CNTN3: variants seen among roughly 807,000 people sequenced by gnomAD.
CNTN3 encodes the protein contactin-3.
CNTN3 carries 60 observed loss-of-function variants against 119.1 expected under a neutral mutation model. The ratio of observed to expected loss-of-function variants is 0.50; its 90% CI spans 0.41 to 0.62. The LOEUF is 0.62. Ranked by LOEUF, CNTN3 falls within the 20% of genes least tolerant of loss-of-function variation. The probability of loss-of-function intolerance (pLI) is 0.00; values close to 1 mark genes in which losing one functional copy is unlikely to be tolerated. For missense variants in CNTN3, 1,101 were observed against 1,242.4 expected (o/e 0.89, Z 1.71); for synonymous variants, 450 against 438.7 (o/e 1.03, Z -0.32).
intron 21 of CNTN3, 71 bp from the exon 22 acceptor site, chr3:74,266,720 T>G: frequency 7.1e-7 from 1 of 1,410,978 alleles, no homozygotes; most frequent in Non-Finnish European, 9.9e-7. Context: ...AATTTGTCTC[T>G]CTGAAATTAA....
intron 20 of CNTN3, among the ~76,000 whole-genome samples, chr3:74,272,349 A>G (rs1701794364): frequency 6.6e-6 from 1 of 152,206 alleles, no homozygotes; most frequent in African/African-American, 2.4e-5. Flanking sequence ...AAAAAGTGCC[A>G]AAACTCTTAC....
rs762995567 is a variant in CNTN3, at chr3:74,301,666, A to C, written c.1926T>G (p.Gly642=). ...CTTTACCTGTTGTGACGGTTTGCCA[A>C]CCCACGGAGAAAGGTGTCCGAGCCT... ...SIQARTPFSV[G]WQTVTTVPEV... Residue 642 remains glycine (G), a synonymous_variant, in exon 15 of 23, where the codon GGT becomes GGG. Coordinates refer to ENST00000263665, the MANE Select transcript of CNTN3 (RefSeq NM_020872.3). 3.7e-6 allele frequency: 6 copies of C among 1,614,022 alleles called. No homozygotes were observed. The highest frequency in any genetic ancestry group is 5.1e-6 in the Non-Finnish European group (6 of 1,179,944).
At chr3:74,384,991 C>T (rs1299390793) in intron 5 of CNTN3, among the ~76,000 whole-genome samples, 1 of 152,158 alleles carries the variant, frequency 6.6e-6, no homozygotes, top group African/African-American at 2.4e-5. Context: ...TTTCTAGGTT[C>T]TGATTTGAAT....
At chr3:74,402,482 C>T (rs35038105) in intron 5 of CNTN3, among the ~76,000 whole-genome samples, 57,305 of 151,978 alleles carry the variant, frequency 0.38, 11,487 homozygotes, top group East Asian at 0.64. Context: ...ATCTTTATAA[C>T]AGAAACCTCC....
At chr3:74,594,926 G>A (rs1704772836) in intron 1 of CNTN3, among the ~76,000 whole-genome samples, 1 of 152,066 alleles carries the variant, frequency 6.6e-6, no homozygotes, top group African/African-American at 2.4e-5. Flanking sequence ...GTGTCAAAGT[G>A]TTCCTATTTC....
intron 1 of CNTN3, among the ~76,000 whole-genome samples, chr3:74,539,157 C>G (rs949466023): frequency 6.6e-6 from 1 of 152,124 alleles, no homozygotes; most frequent in Non-Finnish European, 1.5e-5. Context: ...AAACACATAT[C>G]TAGCACAGGA....
chr3:74,464,266 C>G (rs1240928153), intron 4 of CNTN3, among the ~76,000 whole-genome samples: 1 of 152,060 alleles, frequency 6.6e-6, no homozygotes, highest in African/African-American at 2.4e-5. Context: ...CTCAAAAATA[C>G]ATATGCAAAA....
At position 74,371,251 on chromosome 3, in the gene CNTN3, C is replaced by G; in HGVS notation, c.603G>C (p.Met201Ile). The stretch of plus-strand genomic sequence containing the variant: ...AGCCCAGCACTCGGGCATTTGTCAC[C>G]ATACTTGTCACCACACATGTGTAAT... ...VGNYTCVVTS[M>I]VTNARVLGSP... The change falls in exon 6 of 23, where the codon ATG (methionine) becomes ATC (isoleucine). Residue 201 changes from methionine to isoleucine, a missense_variant. Coordinates refer to ENST00000263665, the MANE Select transcript of CNTN3 (RefSeq NM_020872.3). 6.2e-7 allele frequency: 1 copy of G among 1,613,502 alleles called. No homozygotes were observed. The highest frequency in any genetic ancestry group is 8.5e-7 in the Non-Finnish European group (1 of 1,179,690).
At chr3:74,446,436 CTT>C (rs1702049719) in intron 4 of CNTN3, among the ~76,000 whole-genome samples, 1 of 152,016 alleles carries the variant, frequency 6.6e-6, no homozygotes, top group Non-Finnish European at 1.5e-5. Flanking sequence ...AGGAGAAACT[CTT>C]TTACTAAATG....
At chr3:74,418,939 C>A (rs1185723162) in intron 5 of CNTN3, among the ~76,000 whole-genome samples, 2 of 151,248 alleles carry the variant, frequency 1.3e-5, no homozygotes, top group South Asian at 2.1e-4. Flanking sequence ...TAGGTGCACG[C>A]ACCACCATGC....
At chr3:74,431,249 G>A (rs955197170) in intron 4 of CNTN3, among the ~76,000 whole-genome samples, 4 of 152,076 alleles carry the variant, frequency 2.6e-5, no homozygotes, top group Admixed American at 2.0e-4. Flanking sequence ...AAAAGAAACT[G>A]GGGTCACTCT....
intron 2 of CNTN3, among the ~76,000 whole-genome samples, chr3:74,504,174 T>G (rs888751341): frequency 6.6e-6 from 1 of 152,162 alleles, no homozygotes; most frequent in Non-Finnish European, 1.5e-5. Context: ...GCACATACTG[T>G]TTTTCCTTAC....
Position 74,396,922 on chromosome 3 carries a change from G to A in CNTN3, c.455-25523C>T, listed in dbSNP as rs73110951. On this transcript the variant is annotated intron_variant, in intron 5 of 22. Coordinates refer to ENST00000263665, the MANE Select transcript of CNTN3 (RefSeq NM_020872.3). Reference sequence around the variant, plus strand: ...CAGCACATTTTCCAGGACAGCCAGCGAAGATCATTGATGAAGATGGCTACA... The same window carrying A: ...CAGCACATTTTCCAGGACAGCCAGCAAAGATCATTGATGAAGATGGCTACA... 2.4e-3 allele frequency among the ~76,000 whole-genome samples: 361 copies of A among 152,228 alleles called. 4 individuals are homozygous for A. The highest frequency in any genetic ancestry group is 4.7e-3 in the Non-Finnish European group (319 of 68,022).
At chr3:74,429,136 C>A (rs958838173) in intron 4 of CNTN3, among the ~76,000 whole-genome samples, 10 of 151,410 alleles carry the variant, frequency 6.6e-5, no homozygotes, top group African/African-American at 9.7e-5. Flanking sequence ...TAATTCTGAT[C>A]GAAATATCAG....
chr3:74,289,035 G>A (rs113031584), intron 19 of CNTN3, among the ~76,000 whole-genome samples: 312 of 152,302 alleles, frequency 2.0e-3, no homozygotes, highest in African/African-American at 7.4e-3. Context: ...ATGAGAGAAA[G>A]GAAGGAGCTA....
chr3:74,457,868 G>T (rs1014050757), intron 4 of CNTN3, among the ~76,000 whole-genome samples: 8 of 151,940 alleles, frequency 5.3e-5, no homozygotes, highest in Admixed American at 4.6e-4. Flanking sequence ...CAGAACAAGA[G>T]TTCTACATGC....
At chr3:74,328,266 C>T (rs1017060044) in intron 13 of CNTN3, among the ~76,000 whole-genome samples, 3 of 152,070 alleles carry the variant, frequency 2.0e-5, no homozygotes, top group Admixed American at 6.5e-5. Flanking sequence ...TGTTCTTGAC[C>T]TGATAAGTTT....
At chr3:74,509,088 G>T (rs1027918346) in intron 2 of CNTN3, among the ~76,000 whole-genome samples, 1 of 152,040 alleles carries the variant, frequency 6.6e-6, no homozygotes, top group African/African-American at 2.4e-5. Flanking sequence ...ATTTTATTTT[G>T]TTTTCAGAAG....
intron 1 of CNTN3, among the ~76,000 whole-genome samples, chr3:74,534,210 T>C (rs1243930259): frequency 6.6e-6 from 1 of 152,032 alleles, no homozygotes; most frequent in Admixed American, 6.6e-5. Context: ...CTTTTTACCA[T>C]GTGAAATTCC....
Sources: allele counts gnomAD v4.1 joint callset (sites outside exome capture counted in the v4.1 genomes callset), GRCh38; gene constraint gnomAD v4.1.1; transcripts MANE v1.5; gene names NCBI Gene and HGNC (gene_info 2026-07-23, HGNC 2026-07-21).